Variants in WFDC1 observed in about 807,000 individuals in gnomAD.
The protein encoded by WFDC1 is WAP four-disulfide core domain 1, also known as WAP four-disulfide core domain protein 1.
WFDC1 carries 39 observed loss-of-function variants against 32.9 expected under a neutral mutation model. The observed-to-expected ratio is 1.19, with a 90% CI of 0.92 to 1.55. The LOEUF is 1.55. Ranked by LOEUF, WFDC1 falls within the 40% of genes most tolerant of loss-of-function variation. WFDC1 has a pLI of 0.00. For synonymous variants in WFDC1, 184 were observed against 137.4 expected, an observed-to-expected ratio of 1.34 and a Z score of -2.37; for missense variants, 386 against 309.5, an observed-to-expected ratio of 1.25 and a Z score of -1.85.
intron 1 of WFDC1, chr16:84,297,101 G>C (rs1197464930): frequency 6.6e-6 from 1 of 152,222 alleles, no homozygotes; most frequent in Non-Finnish European, 1.5e-5. Flanking sequence ...AGCCAGCACT[G>C]TGACATCCAC....
rs183277843 is a variant in WFDC1 at position 84,306,991 on chromosome 16, G to A, written c.145-5970G>A. Reference sequence around the variant, plus strand: ...AAGCTCCACAAAGCAGGGAGAGGGGGAAGGGAAGGCTGTATGAGCAGATCC... The same window carrying A: ...AAGCTCCACAAAGCAGGGAGAGGGGAAAGGGAAGGCTGTATGAGCAGATCC... On this transcript the variant is annotated intron_variant, in intron 1 of 6. Transcript: ENST00000219454. Among the ~76,000 whole-genome samples the A allele has an allele frequency of 1.5e-3, 229 of 152,318 alleles. 1 individual carries two copies. The highest frequency in any genetic ancestry group is 2.9e-3 in the Non-Finnish European group (194 of 68,036).
At chr16:84,323,644 A>G (rs1156566811) in intron 4 of WFDC1, among the ~76,000 whole-genome samples, 3 of 152,236 alleles carry the variant, frequency 2.0e-5, no homozygotes. Context: ...TAGGAGAGGA[A>G]ACTGAGGCTC....
intron 4 of WFDC1, among the ~76,000 whole-genome samples, chr16:84,323,875 C>G (rs556873327): frequency 6.6e-6 from 1 of 152,370 alleles, no homozygotes; most frequent in South Asian, 2.1e-4. Flanking sequence ...AATCCCAGCA[C>G]TTTGGCAGGC....
intron 1 of WFDC1, among the ~76,000 whole-genome samples, chr16:84,308,785 C>G (rs181467104): frequency 1.4e-4 from 21 of 152,084 alleles, no homozygotes; most frequent in Middle Eastern, 3.4e-3. Context: ...AGACGCCATG[C>G]TGAGTGTAGA....
rs151337608 is a variant in WFDC1, at chr16:84,306,576, G to C, written c.145-6385G>C. 1.4e-3 allele frequency among the ~76,000 whole-genome samples: 214 copies of C among 152,310 alleles called. 1 individual carries two copies. Among genetic ancestry groups the C allele is most frequent in the Non-Finnish European group, 2.6e-3 (174 of 68,022 alleles). On this transcript the variant is annotated intron_variant, in intron 1 of 6. Transcript: ENST00000219454. ...TTCACATCCGCATTAAGTGAGCATA[G>C]GAGTGTGATGATGCTTGCCCATAGC...
chr16:84,314,346 A>G (rs74035458), intron 2 of WFDC1, among the ~76,000 whole-genome samples: 7,725 of 152,206 alleles, frequency 0.051, 579 homozygotes, highest in African/African-American at 0.17. Flanking sequence ...GGTGGGGAAA[A>G]TGTGCCCCTA....
At chr16:84,298,690 T>A (rs1906754836) in intron 1 of WFDC1, among the ~76,000 whole-genome samples, 1 of 152,158 alleles carries the variant, frequency 6.6e-6, no homozygotes, top group Non-Finnish European at 1.5e-5. Flanking sequence ...CAAAGCCTCG[T>A]CCCCCGGCAG....
At chr16:84,319,843 A>AGCCTCTG (rs1908203160) in intron 4 of WFDC1, among the ~76,000 whole-genome samples, 2 of 152,290 alleles carry the variant, frequency 1.3e-5, no homozygotes, top group Admixed American at 1.3e-4. Flanking sequence ...ACTGGGGTTA[A>AGCCTCTG]TTTCTTCCTA....
At chr16:84,304,813 G>C (rs947983111) in intron 1 of WFDC1, among the ~76,000 whole-genome samples, 1 of 152,176 alleles carries the variant, frequency 6.6e-6, no homozygotes, top group Non-Finnish European at 1.5e-5. Flanking sequence ...AGGGGGCCAG[G>C]ACAAATGTGT....
chr16:84,305,795 A>T (rs1378603495), intron 1 of WFDC1, among the ~76,000 whole-genome samples: 2 of 152,122 alleles, frequency 1.3e-5, no homozygotes, highest in African/African-American at 4.8e-5. Flanking sequence ...TGAGCTCAGG[A>T]GTTCAAGACC....
rs137903168 is a variant in WFDC1 at position 84,294,984 on chromosome 16, G to A, written c.13G>A (p.Gly5Ser). Reference protein sequence around the residue: MPLTGVGPGSCRRQI... With the variant: MPLTSVGPGSCRRQI... The stretch of plus-strand genomic sequence containing the variant: ...GCCCAGGGAGGAAATGCCTTTAACC[G>A]GCGTGGGGCCGGGCAGCTGCAGGAG... The change falls in exon 1 of 7, where the codon GGC (glycine) becomes AGC (serine). Residue 5 changes from glycine to serine, a missense_variant. By Grantham distance (56) the Gly-to-Ser change is moderately conservative. Coordinates refer to ENST00000219454, the MANE Select transcript of WFDC1 (RefSeq NM_021197.4). 13,420 of 1,613,164 alleles carry A rather than the reference G, an allele frequency of 8.3e-3. 67 individuals are homozygous for A. The highest frequency in any genetic ancestry group is 0.011 in the Non-Finnish European group (12,444 of 1,179,518).
intron 2 of WFDC1, chr16:84,317,194 G>A (rs1908003074): frequency 6.6e-6 from 1 of 152,108 alleles, no homozygotes; most frequent in Non-Finnish European, 1.5e-5. Context: ...TCGGGAGACT[G>A]AGAGAGGAGA....
chr16:84,316,155 T>C (rs549008252), intron 2 of WFDC1: 2 of 152,308 alleles, frequency 1.3e-5, no homozygotes, highest in African/African-American at 2.4e-5. Context: ...AACCGAAAGG[T>C]TGCGTATAGA....
In WFDC1 at chr16:84,319,562, C is replaced by T. The variant is rs759428675; in HGVS notation, c.553C>T (p.Arg185Trp). ...PNRGQCVKQR[R>W]QADGRILRHK... ...CCGTGGGCAGTGCGTCAAGCAGCGC[C>T]GGCAAGCAGGTGAGTGTGGCACCCC... The change falls in exon 4 of 7, where the codon CGG (arginine) becomes TGG (tryptophan). Residue 185 changes from arginine (R) to tryptophan (W), a missense_variant. Transcript: ENST00000219454. 2.4e-5 allele frequency: 39 copies of T among 1,612,300 alleles called. No homozygotes were observed. The highest frequency in any genetic ancestry group is 9.9e-5 in the South Asian group (9 of 91,074).
chr16:84,310,021 A>G (rs1361569620), intron 1 of WFDC1, among the ~76,000 whole-genome samples: 1 of 152,108 alleles, frequency 6.6e-6, no homozygotes, highest in Admixed American at 6.6e-5. Flanking sequence ...CTTTGCATTT[A>G]GGATTCCAGG....
chr16:84,325,156 A>G (rs1430631393), intron 5 of WFDC1, among the ~76,000 whole-genome samples: 3 of 150,536 alleles, frequency 2.0e-5, no homozygotes, highest in Non-Finnish European at 4.4e-5. Context: ...CTATCCATCC[A>G]TCCATTCATA....
intron 1 of WFDC1, among the ~76,000 whole-genome samples, chr16:84,308,383 G>C (rs570159718): frequency 6.6e-6 from 1 of 152,196 alleles, no homozygotes; most frequent in Admixed American, 6.5e-5. Flanking sequence ...GAAGGACTGC[G>C]CTCGGTCCCA....
intron 1 of WFDC1, among the ~76,000 whole-genome samples, chr16:84,305,817 C>G (rs866012149): frequency 6.6e-6 from 1 of 151,536 alleles, no homozygotes; most frequent in Non-Finnish European, 1.5e-5. Context: ...TCCTGGGCAA[C>G]AAGGCAAAAC....
Position 84,312,993 on chromosome 16 carries a change from G to A in WFDC1, c.177G>A (p.Arg59=). The part of the protein sequence containing the change: ...AEEAGAPGGP[R]QPRADRCPPP... ...AGGCGGGCGCGCCCGGCGGCCCCCG[G>A]CAGCCCCGAGCAGACCGCTGCCCGC... The change falls in exon 2 of 7, where the codon CGG becomes CGA. Residue 59 remains arginine (R), a synonymous_variant. Coordinates refer to ENST00000219454, the MANE Select transcript of WFDC1 (RefSeq NM_021197.4). The A allele has an allele frequency of 8.3e-7, 1 of 1,201,556 alleles. No homozygotes were observed. The highest frequency in any genetic ancestry group is 1.0e-6 in the Non-Finnish European group (1 of 969,226). The allele number at this position is 1,201,556 out of a possible 1,614,324, so 74.4% of individuals were successfully genotyped here. A position where few individuals can be genotyped will look rare whatever the true frequency, so the allele number is the denominator to read the frequency against.
Sources: gnomAD v4.1 joint callset for allele counts (sites outside exome capture counted in the v4.1 genomes callset) on GRCh38, gnomAD v4.1.1 for gene constraint, MANE v1.5 for transcripts, NCBI Gene and HGNC (gene_info 2026-07-23, HGNC 2026-07-21) for gene names.